Variants in SV2C observed in about 807,000 individuals in gnomAD.
SV2C encodes solute carrier family 22 member B3.
A neutral mutation model predicts 79.7 loss-of-function variants in SV2C; 49 were observed. The observed-to-expected ratio is 0.61, with a 90% CI of 0.49 to 0.78. The LOEUF (loss-of-function observed/expected upper bound fraction) is 0.78. SV2C is among the 30% of genes least tolerant of loss of function. The pLI is 0.00. For synonymous variants in SV2C, 334 were observed against 333.2 expected (o/e 1.00, Z -0.03); for missense variants, 833 against 912.9 (o/e 0.91, Z 1.13).
chr5:75,874,570 G>A, the SV2C span, among the ~76,000 whole-genome samples: 1 of 151,966 alleles, frequency 6.6e-6, no homozygotes, highest in African/African-American at 2.4e-5. Flanking sequence ...ATCAGGCAAG[G>A]GAAAGAAATA....
At chr5:75,994,272 A>T in the SV2C span, among the ~76,000 whole-genome samples, 1 of 152,116 alleles carries the variant, frequency 6.6e-6, no homozygotes, top group South Asian at 2.1e-4. Flanking sequence ...ATGTAATTTT[A>T]GATGAAATGT....
At chr5:75,952,642 C>T in the SV2C span, among the ~76,000 whole-genome samples, 2 of 151,836 alleles carry the variant, frequency 1.3e-5, no homozygotes, top group Admixed American at 6.6e-5. Context: ...CTCCTTCTCT[C>T]TCTTCCTCCT....
At chr5:76,222,829 G>A (rs1745106611) in intron 4 of SV2C, among the ~76,000 whole-genome samples, 1 of 152,158 alleles carries the variant, frequency 6.6e-6, no homozygotes, top group Non-Finnish European at 1.5e-5. Context: ...AAAAACAACA[G>A]TAACTATTAC....
the SV2C span, among the ~76,000 whole-genome samples, chr5:75,928,685 C>T: frequency 6.6e-6 from 1 of 152,140 alleles, no homozygotes; most frequent in East Asian, 1.9e-4. Flanking sequence ...CTCAAAACTT[C>T]GTGATGGAGT....
intron 1 of SV2C, among the ~76,000 whole-genome samples, chr5:76,130,077 A>AC (rs1302156053): frequency 7.7e-6 from 1 of 129,840 alleles, no homozygotes; most frequent in Non-Finnish European, 1.6e-5. Flanking sequence ...CCACCTTTCC[A>AC]TTTTTTCTTA....
At chr5:75,974,503 C>T in the SV2C span, among the ~76,000 whole-genome samples, 1 of 152,024 alleles carries the variant, frequency 6.6e-6, no homozygotes. Flanking sequence ...TCTCATTTGT[C>T]TCTGAATAAC....
the SV2C span, among the ~76,000 whole-genome samples, chr5:75,986,092 T>TAA: frequency 6.8e-6 from 1 of 146,536 alleles, no homozygotes; most frequent in Non-Finnish European, 1.5e-5. Flanking sequence ...TCGGTTGTGG[T>TAA]AGGCCATTAT....
In SV2C at chr5:76,329,265, A is replaced by C. The variant is rs1043088088; in HGVS notation, c.*3718A>C. 1.3e-5 allele frequency: 2 copies of C among 152,204 alleles called. No homozygotes were observed. The highest frequency in any genetic ancestry group is 6.6e-5 in the Admixed American group (1 of 15,260). The allele number at this position is 152,204 out of a possible 1,614,324, so 9.4% of individuals were successfully genotyped here. A position where few individuals can be genotyped will look rare whatever the true frequency, so the allele number is the denominator to read the frequency against. ...GTTCACTGCAGGTTTGACAGTTACC[A>C]TCACCCAGCCAGAAAAGGGCCCCGC... On this transcript the variant is annotated 3_prime_UTR_variant, in exon 13 of 13. Transcript: ENST00000502798.
At chr5:75,933,745 C>A in the SV2C span, among the ~76,000 whole-genome samples, 3 of 152,176 alleles carry the variant, frequency 2.0e-5, no homozygotes, top group South Asian at 4.1e-4. Flanking sequence ...TCTTAATTAC[C>A]CCTTTCTTCT....
chr5:76,198,769 C>A (rs533845307), intron 3 of SV2C, among the ~76,000 whole-genome samples: 1 of 152,304 alleles, frequency 6.6e-6, no homozygotes, highest in East Asian at 1.9e-4. Context: ...GTTTCTGAAT[C>A]TCTGAGGAGT....
the SV2C span, among the ~76,000 whole-genome samples, chr5:76,059,894 A>G: frequency 6.6e-6 from 1 of 152,136 alleles, no homozygotes; most frequent in Non-Finnish European, 1.5e-5. Flanking sequence ...AGTGACTCTG[A>G]TCTGTGGGCT....
chr5:76,335,186 T>C (rs1401608099), downstream of SV2C, among the ~76,000 whole-genome samples: 1 of 152,206 alleles, frequency 6.6e-6, no homozygotes, highest in Non-Finnish European at 1.5e-5. Context: ...CTACTAGTTG[T>C]GCATTCACAC....
rs549914558 is a variant in SV2C at position 76,109,165 on chromosome 5, T to A, written c.-101-22485T>A. On this transcript the variant is annotated intron_variant, in intron 1 of 12. Coordinates refer to ENST00000502798, the MANE Select transcript of SV2C (RefSeq NM_014979.4). ...CTTTAAAATATGTTGAAAGTTTCAG[T>A]GAATGAGAAGGAATGAAAAGAGCAA... Among the ~76,000 whole-genome samples, 16 of 152,296 alleles carry A rather than the reference T, an allele frequency of 1.1e-4. No individual in the cohort carries two copies. The South Asian group carries it at 3.3e-3, about 32-fold the overall frequency.
At chr5:76,023,002 G>A in the SV2C span, among the ~76,000 whole-genome samples, 1 of 152,096 alleles carries the variant, frequency 6.6e-6, no homozygotes, top group Non-Finnish European at 1.5e-5. Flanking sequence ...TTGTGGCAGC[G>A]GTGGTTTCTG....
the SV2C span, among the ~76,000 whole-genome samples, chr5:75,861,337 G>T: frequency 6.6e-6 from 1 of 152,198 alleles, no homozygotes; most frequent in Middle Eastern, 3.2e-3. Context: ...TGCTGGTGAG[G>T]CTATGGAGAA....
chr5:76,285,490 C>A, intron 5 of SV2C, 195 bp downstream of exon 5: 1 of 733,612 alleles, frequency 1.4e-6, no homozygotes, highest in Non-Finnish European at 2.1e-6. Flanking sequence ...GGCTAGAAAG[C>A]ACTCATGTTT....
chr5:75,968,052 A>G, the SV2C span, among the ~76,000 whole-genome samples: 1 of 152,206 alleles, frequency 6.6e-6, no homozygotes. Context: ...GCTGATACCC[A>G]GGCAAACAGG....
chr5:76,115,086 A>G (rs1213824697), intron 1 of SV2C, among the ~76,000 whole-genome samples: 4 of 152,186 alleles, frequency 2.6e-5, no homozygotes, highest in Non-Finnish European at 5.9e-5. Flanking sequence ...GTTTATGTCT[A>G]TTAAATTAGG....
intron 8 of SV2C, among the ~76,000 whole-genome samples, chr5:76,293,460 GT>G (rs753458822): frequency 1.3e-5 from 2 of 152,144 alleles, no homozygotes; most frequent in Non-Finnish European, 2.9e-5. Flanking sequence ...TTTAGTGCGT[GT>G]TCGGTAAATG....
Sources: allele counts gnomAD v4.1 joint callset (sites outside exome capture counted in the v4.1 genomes callset), GRCh38; gene constraint gnomAD v4.1.1; transcripts MANE v1.5; gene names NCBI Gene and HGNC (gene_info 2026-07-23, HGNC 2026-07-21).